PDSS2: variants seen among roughly 807,000 people sequenced by gnomAD.
PDSS2 encodes decaprenyl diphosphate synthase subunit 2, also known as all trans-polyprenyl-diphosphate synthase PDSS2.
A neutral mutation model predicts 44.5 loss-of-function variants in PDSS2; 31 were observed. The observed-to-expected ratio is 0.70, with a 90% confidence interval of 0.52 to 0.94. The LOEUF (loss-of-function observed/expected upper bound fraction) is 0.94. PDSS2 is among the 40% of genes least tolerant of loss of function. The pLI, the probability that PDSS2 is intolerant of heterozygous loss-of-function variation, is 0.00. For synonymous variants in PDSS2, 157 were observed against 180.3 expected, an observed-to-expected ratio of 0.87 and a Z score of 1.03; for missense variants, 452 against 482.2, an observed-to-expected ratio of 0.94 and a Z score of 0.59.
At chr6:107,301,616 T>C (rs1776697398) in intron 2 of PDSS2, among the ~76,000 whole-genome samples, 1 of 152,144 alleles carries the variant, frequency 6.6e-6, no homozygotes, top group South Asian at 2.1e-4. Flanking sequence ...TTGCTATTTA[T>C]AATTAGTTTC....
intron 1 of PDSS2, among the ~76,000 whole-genome samples, chr6:107,343,414 C>T (rs1778141022): frequency 6.6e-6 from 1 of 152,088 alleles, no homozygotes; most frequent in South Asian, 2.1e-4. Context: ...TTGTGACCCA[C>T]CAACAAGGTG....
At chr6:107,231,962 C>CA (rs5878909) in intron 4 of PDSS2, among the ~76,000 whole-genome samples, 94 of 137,774 alleles carry the variant, frequency 6.8e-4, no homozygotes, top group Non-Finnish European at 1.1e-3. Flanking sequence ...AACTCTGTCT[C>CA]AAAAAAAAAA....
intron 1 of PDSS2, among the ~76,000 whole-genome samples, chr6:107,364,242 C>T (rs1255798743): frequency 1.3e-5 from 2 of 152,216 alleles, no homozygotes; most frequent in African/African-American, 2.4e-5. Context: ...GCCGTGCGCT[C>T]GCATTCCTCA....
chr6:107,409,427 AG>A (rs1306498092), intron 1 of PDSS2, among the ~76,000 whole-genome samples: 1 of 152,088 alleles, frequency 6.6e-6, no homozygotes, highest in Non-Finnish European at 1.5e-5. Flanking sequence ...GGAAAAGAGG[AG>A]AAAATATTTT....
intron 1 of PDSS2, among the ~76,000 whole-genome samples, chr6:107,415,151 A>AT (rs548167140): frequency 7.3e-5 from 11 of 149,840 alleles, no homozygotes; most frequent in South Asian, 2.1e-4. Flanking sequence ...GTTAAAAAAA[A>AT]TTTTTTTTTT....
At chr6:107,368,987 A>G (rs1415975320) in intron 1 of PDSS2, among the ~76,000 whole-genome samples, 1 of 152,232 alleles carries the variant, frequency 6.6e-6, no homozygotes, top group African/African-American at 2.4e-5. Context: ...TCAATGGAAC[A>G]GGGTTTTCAG....
At chr6:107,170,633 TG>T (rs1554248361) in intron 7 of PDSS2, among the ~76,000 whole-genome samples, 25 of 138,612 alleles carry the variant, frequency 1.8e-4, no homozygotes, top group African/African-American at 6.7e-4. Context: ...TTTTTTTTTC[TG>T]AGACAGCCTC....
At chr6:107,407,965 C>T (rs1265242125) in intron 1 of PDSS2, among the ~76,000 whole-genome samples, 1 of 152,138 alleles carries the variant, frequency 6.6e-6, no homozygotes, top group Non-Finnish European at 1.5e-5. Context: ...TCCCAAAGCG[C>T]TGGGATTACA....
intron 1 of PDSS2, 128 bp downstream of exon 1, chr6:107,458,862 G>A (rs1782144295): frequency 2.6e-6 from 2 of 778,910 alleles, no homozygotes; most frequent in South Asian, 1.6e-5. Context: ...TAGGAGGAGT[G>A]AGTAAAAAGG....
intron 3 of PDSS2, among the ~76,000 whole-genome samples, chr6:107,258,955 C>G (rs776838187): frequency 3.0e-4 from 45 of 152,140 alleles, no homozygotes; most frequent in Non-Finnish European, 5.3e-4. Flanking sequence ...CTTTGTTGGT[C>G]TGTCAGTTTT....
intron 3 of PDSS2, among the ~76,000 whole-genome samples, chr6:107,249,781 A>G (rs1172800080): frequency 6.6e-6 from 1 of 152,214 alleles, no homozygotes; most frequent in Non-Finnish European, 1.5e-5. Context: ...AGCATAGGAC[A>G]GTAAATGGAC....
chr6:107,423,070 A>G (rs1562529366), intron 1 of PDSS2, among the ~76,000 whole-genome samples: 1 of 152,118 alleles, frequency 6.6e-6, no homozygotes. Flanking sequence ...AACAAACAAA[A>G]AAAGCCTGAC....
At chr6:107,318,365 A>G (rs1777269759) in intron 2 of PDSS2, among the ~76,000 whole-genome samples, 1 of 152,184 alleles carries the variant, frequency 6.6e-6, no homozygotes, top group Non-Finnish European at 1.5e-5. Context: ...CCTCCCACCC[A>G]GAGGGCTGAG....
chr6:107,355,591 A>G (rs925429031), intron 1 of PDSS2, among the ~76,000 whole-genome samples: 1 of 152,160 alleles, frequency 6.6e-6, no homozygotes, highest in Admixed American at 6.5e-5. Context: ...CAAGCTCACC[A>G]CCCCAAAAAA....
At chr6:107,408,611 A>C (rs1054031029) in intron 1 of PDSS2, among the ~76,000 whole-genome samples, 10 of 152,206 alleles carry the variant, frequency 6.6e-5, no homozygotes, top group African/African-American at 2.4e-4. Flanking sequence ...AAATGAATGA[A>C]GCAATAGGAA....
chr6:107,372,699 G>A (rs1351027001), intron 1 of PDSS2, among the ~76,000 whole-genome samples: 1 of 152,082 alleles, frequency 6.6e-6, no homozygotes, highest in African/African-American at 2.4e-5. Context: ...TGATCTGCCC[G>A]CCTCGGCCTC....
chr6:107,375,560 C>T (rs967532261), intron 1 of PDSS2, among the ~76,000 whole-genome samples: 1 of 152,242 alleles, frequency 6.6e-6, no homozygotes, highest in African/African-American at 2.4e-5. Context: ...CAGTTCAGCC[C>T]AGATGTCTTC....
chr6:107,268,662 G>C (rs1460911405), intron 3 of PDSS2, among the ~76,000 whole-genome samples: 1 of 152,024 alleles, frequency 6.6e-6, no homozygotes, highest in African/African-American at 2.4e-5. Flanking sequence ...TTTTTCTGAA[G>C]AATGTGTTCA....
intron 3 of PDSS2, among the ~76,000 whole-genome samples, chr6:107,265,964 G>A (rs375242490): frequency 1.3e-5 from 2 of 151,778 alleles, no homozygotes; most frequent in Non-Finnish European, 2.9e-5. Flanking sequence ...CAAACAAAAC[G>A]CAAAAAACTT....
Sources: allele counts gnomAD v4.1 joint callset (sites outside exome capture counted in the v4.1 genomes callset), GRCh38; gene constraint gnomAD v4.1.1; transcripts MANE v1.5; gene names NCBI Gene and HGNC (gene_info 2026-07-23, HGNC 2026-07-21).